Variants in NEO1 observed in about 807,000 individuals in gnomAD.
The protein encoded by NEO1 is neogenin.
NEO1 carries 63 observed loss-of-function variants against 159.7 expected under a neutral mutation model. The ratio of observed to expected loss-of-function variants is 0.39; its 90% CI spans 0.32 to 0.49. The LOEUF is 0.49. Among genes scored for constraint, NEO1 ranks in the 20% least tolerant of loss-of-function variants. The probability of loss-of-function intolerance (pLI) is 0.85; values close to 1 mark genes in which losing one functional copy is unlikely to be tolerated. For missense variants in NEO1, 1,615 were observed against 1,831.0 expected, an observed-to-expected ratio of 0.88 and a Z score of 2.15; for synonymous variants, 633 against 662.0, an observed-to-expected ratio of 0.96 and a Z score of 0.67.
At chr15:73,185,286 GATA>G (rs766269512) in intron 7 of NEO1, among the ~76,000 whole-genome samples, 1 of 152,328 alleles carries the variant, frequency 6.6e-6, no homozygotes, top group Middle Eastern at 3.4e-3. Context: ...GACTTTGGGT[GATA>G]ATGATGTCTC....
At chr15:73,178,450 G>A (rs767479197) in intron 7 of NEO1, 23 bp downstream of exon 7, 1 of 1,612,276 alleles carries the variant, frequency 6.2e-7, no homozygotes, top group Non-Finnish European at 8.5e-7. Context: ...GAAATAGTCA[G>A]ATGATAGAGG....
intron 7 of NEO1, among the ~76,000 whole-genome samples, chr15:73,204,187 A>G (rs2037079751): frequency 6.6e-6 from 1 of 151,516 alleles, no homozygotes; most frequent in South Asian, 2.1e-4. Flanking sequence ...CTCCACTGTA[A>G]TTCTTATCAT....
chr15:73,180,334 A>C (rs2035528845), intron 7 of NEO1, among the ~76,000 whole-genome samples: 1 of 152,220 alleles, frequency 6.6e-6, no homozygotes, highest in Non-Finnish European at 1.5e-5. Context: ...GTGCTGTTAC[A>C]GAAAAGCATA....
chr15:73,062,466 A>G (rs2068025772), intron 1 of NEO1, among the ~76,000 whole-genome samples: 1 of 152,232 alleles, frequency 6.6e-6, no homozygotes, highest in African/African-American at 2.4e-5. Flanking sequence ...TTCTTAACTT[A>G]GTGATAAGCA....
intron 1 of NEO1, among the ~76,000 whole-genome samples, chr15:73,059,933 C>T (rs940129631): frequency 2.2e-4 from 34 of 151,840 alleles, no homozygotes; most frequent in African/African-American, 6.8e-4. Context: ...GATTATTGGT[C>T]ATTAATAGTA....
chr15:73,262,250 A>G (rs1407842004), intron 15 of NEO1, among the ~76,000 whole-genome samples: 2 of 152,226 alleles, frequency 1.3e-5, no homozygotes, highest in Non-Finnish European at 2.9e-5. Flanking sequence ...TAAAATTTAA[A>G]AATTGATAAA....
In NEO1 at chr15:73,052,582, T is replaced by A. The variant is rs2067503260; in HGVS notation, c.-94T>A. The A allele has an allele frequency of 1.3e-6, 1 of 787,130 alleles. No homozygotes were observed. The highest frequency in any genetic ancestry group is 1.6e-6 in the Non-Finnish European group (1 of 610,814). The allele number at this position is 787,130 out of a possible 1,614,324, so 48.8% of individuals were successfully genotyped here. A position where few individuals can be genotyped will look rare whatever the true frequency, so the allele number is the denominator to read the frequency against. ...GCAGCGGCGGCCGCGGGAGCCGAGC[T>A]TGCAGCGAGGGACCGGCTGAGGCGC... On this transcript the variant is annotated 5_prime_UTR_variant, in exon 1 of 29. It adds an upstream start codon to the 5' untranslated region. Coordinates refer to ENST00000261908, the MANE Select transcript of NEO1 (RefSeq NM_002499.4).
chr15:73,223,478 A>G (rs575668706), intron 7 of NEO1, among the ~76,000 whole-genome samples: 1 of 152,060 alleles, frequency 6.6e-6, no homozygotes, highest in Non-Finnish European at 1.5e-5. Flanking sequence ...TTAGGTGCAT[A>G]TATGTTTAGG....
At chr15:73,154,622 TAAC>T (rs2033641207) in intron 5 of NEO1, among the ~76,000 whole-genome samples, 1 of 152,198 alleles carries the variant, frequency 6.6e-6, no homozygotes, top group African/African-American at 2.4e-5. Flanking sequence ...TTATTTCACT[TAAC>T]ATAACGACCT....
chr15:73,135,912 G>A lies in NEO1; in HGVS notation c.900G>A (p.Leu300=), dbSNP rs1334286763. The change falls in exon 5 of 29, where the codon CTG becomes CTA. Residue 300 remains leucine (L), a synonymous_variant. Transcript: ENST00000261908. ...ACAGCTCTGAAAGATTGGTATTGCT[G>A]GCAGGTGGTAGCCTGGAGATCAGTG... The part of the protein sequence containing the change: ...DTESSERLVL[L]AGGSLEISDV... 1 of 1,585,798 alleles carries A rather than the reference G, an allele frequency of 6.3e-7. No individual in the cohort carries two copies.
chr15:73,184,139 C>G (rs2035780550), intron 7 of NEO1, among the ~76,000 whole-genome samples: 1 of 151,672 alleles, frequency 6.6e-6, no homozygotes. Flanking sequence ...CTTTATATAC[C>G]TTTTTTAAAA....
At chr15:73,302,559 C>G (rs1385026927) in intron 28 of NEO1, 54 bp from the exon 29 acceptor site, 1 of 1,549,140 alleles carries the variant, frequency 6.5e-7, no homozygotes, top group Non-Finnish European at 8.8e-7. Context: ...CTGGGCTCTC[C>G]TTTCTGAGCT....
At chr15:73,244,615 G>T (rs2039659582) in intron 9 of NEO1, 117 bp downstream of exon 9, 2 of 1,176,572 alleles carry the variant, frequency 1.7e-6, no homozygotes, top group South Asian at 2.0e-5. Context: ...TACTTTCGGG[G>T]TCCTTATCAA....
intron 5 of NEO1, among the ~76,000 whole-genome samples, 194 bp downstream of exon 5, chr15:73,136,221 C>T (rs1008069841): frequency 6.6e-6 from 1 of 152,098 alleles, no homozygotes; most frequent in Non-Finnish European, 1.5e-5. Flanking sequence ...TATTTAATTT[C>T]TCTCAACCTC....
At chr15:73,058,047 C>T (rs1321662774) in intron 1 of NEO1, among the ~76,000 whole-genome samples, 1 of 152,126 alleles carries the variant, frequency 6.6e-6, no homozygotes, top group African/African-American at 2.4e-5. Flanking sequence ...TACAGATAAG[C>T]AGGATCATAC....
intron 1 of NEO1, among the ~76,000 whole-genome samples, chr15:73,066,170 A>T (rs1417194409): frequency 6.6e-6 from 1 of 150,856 alleles, no homozygotes; most frequent in African/African-American, 2.4e-5. Flanking sequence ...GGCGCCTGCC[A>T]CCATGCCCGG....
chr15:73,243,563 C>T (rs2039598264), intron 8 of NEO1, among the ~76,000 whole-genome samples: 1 of 152,266 alleles, frequency 6.6e-6, no homozygotes. Flanking sequence ...CTAGTGAGTA[C>T]AGTAGACTGA....
At position 73,260,380 on chromosome 15, in the gene NEO1, C is replaced by T. The variant is rs533121711; in HGVS notation, c.2313C>T (p.Tyr771=). The T allele has an allele frequency of 2.3e-5, 37 of 1,613,996 alleles. No individual in the cohort carries two copies. In the South Asian group the frequency reaches 2.9e-4, roughly 12 times the overall value. Residue 771 remains tyrosine, a synonymous_variant, in exon 15 of 29, where the codon TAC becomes TAT. Coordinates refer to ENST00000261908, the MANE Select transcript of NEO1 (RefSeq NM_002499.4). ...PENQNIVVRG[Y]AIGYGIGSPH... ...ATCAGAACATTGTGGTCAGAGGTTA[C>T]GCCATTGGTTATGGCATTGGCAGCC...
chr15:73,236,527 AGCCAGTTGG>A (rs2039181347), intron 8 of NEO1, 21 bp downstream of exon 8: 3 of 1,611,256 alleles, frequency 1.9e-6, no homozygotes, highest in Non-Finnish European at 2.5e-6. Flanking sequence ...GTGTGTCTGC[AGCCAGTTGG>A]CTGCCTCTTG....
Sources: gnomAD v4.1 joint callset for allele counts (sites outside exome capture counted in the v4.1 genomes callset) on GRCh38, gnomAD v4.1.1 for gene constraint, MANE v1.5 for transcripts, NCBI Gene and HGNC (gene_info 2026-07-23, HGNC 2026-07-21) for gene names.